Variants in EFR3B observed in about 807,000 individuals in gnomAD.
EFR3B encodes the protein EFR3 homolog B.
EFR3B carries 64 observed loss-of-function variants against 104.7 expected under a neutral mutation model. That is an observed-to-expected ratio of 0.61 (90% CI 0.50 to 0.75). The LOEUF (loss-of-function observed/expected upper bound fraction) is 0.75, where lower values mean the gene tolerates loss of function less well. EFR3B is among the 30% of genes least tolerant of loss of function. EFR3B has a pLI of 0.00. For missense variants in EFR3B, 750 were observed against 1,078.5 expected, an observed-to-expected ratio of 0.70 and a Z score of 4.27; for synonymous variants, 385 against 417.9, an observed-to-expected ratio of 0.92 and a Z score of 0.96.
intron 1 of EFR3B, among the ~76,000 whole-genome samples, chr2:25,075,967 A>G (rs989905700): frequency 2.0e-5 from 3 of 152,152 alleles, no homozygotes; most frequent in Non-Finnish European, 4.4e-5. Context: ...ATCACTGCTC[A>G]CTGTAGCCTT....
At chr2:25,105,687 G>A (rs1001407431) in intron 4 of EFR3B, among the ~76,000 whole-genome samples, 14 of 152,292 alleles carry the variant, frequency 9.2e-5, no homozygotes, top group African/African-American at 3.4e-4. Context: ...TACTGTTTTA[G>A]TTGTCCTGTT....
At chr2:25,104,483 A>G (rs966161312) in intron 4 of EFR3B, among the ~76,000 whole-genome samples, 1 of 152,214 alleles carries the variant, frequency 6.6e-6, no homozygotes, top group Admixed American at 6.5e-5. Flanking sequence ...TGTTTTTACT[A>G]ATAGAATTTT....
chr2:25,099,812 C>T (rs1252204286), intron 3 of EFR3B, among the ~76,000 whole-genome samples: 1 of 150,800 alleles, frequency 6.6e-6, no homozygotes, highest in Non-Finnish European at 1.5e-5. Flanking sequence ...CTTGAAAGAG[C>T]TCCTGAAATT....
chr2:25,121,545 C>A, intron 4 of EFR3B, 128 bp from the exon 5 acceptor site: 3 of 1,176,456 alleles, frequency 2.6e-6, no homozygotes, highest in Admixed American at 2.2e-5. Context: ...CTCTGCAAGG[C>A]CGGCCAAGCT....
chr2:25,045,547 T>C (rs1573157059), intron 1 of EFR3B, among the ~76,000 whole-genome samples: 1 of 152,182 alleles, frequency 6.6e-6, no homozygotes, highest in South Asian at 2.1e-4. Flanking sequence ...TTTAGGAGGC[T>C]GAGGCGGGCA....
chr2:25,131,918 C>T lies in EFR3B; in HGVS notation c.1147+7C>T, dbSNP rs1309598298. On this transcript the variant is annotated splice_region_variant and intron_variant, in intron 10 of 22. Coordinates refer to ENST00000403714, the MANE Select transcript of EFR3B (RefSeq NM_014971.2). The surrounding 1 kb of genome is among the most constrained non-coding windows in gnomAD (Gnocchi z 7.6). ...GCCGTCATCAAGACCGTGGGTGCGG[C>T]GCGGGGCCGGGCCGGGGCGGGGCGG... 1.3e-5 allele frequency: 16 copies of T among 1,206,402 alleles called. No homozygotes were observed. The Admixed American group carries it at 3.9e-4, about 29-fold the overall frequency. 74.7% of individuals were successfully genotyped at this position (1,206,402 alleles called of 1,614,324 possible). A position where few individuals can be genotyped will look rare whatever the true frequency, so the allele number is the denominator to read the frequency against.
At position 25,131,364 on chromosome 2, in the gene EFR3B, G is replaced by A. The variant is rs777353572; in HGVS notation, c.850-4G>A. ...TCCAGGCCCAGCTCATCTTCCTCCC[G>A]CAGCCGCAGCACTCACACCTGGTCA... On this transcript the variant is annotated splice_polypyrimidine_tract_variant and splice_region_variant and intron_variant, in intron 8 of 22. Transcript: ENST00000403714. This position sits in a 1 kb window ranked among gnomAD's most constrained non-coding sequence, Gnocchi z 7.6. The A allele has an allele frequency of 2.0e-5, 31 of 1,549,576 alleles. No individual in the cohort carries two copies. Among genetic ancestry groups the A allele is most frequent in the Admixed American group, 9.8e-5 (5 of 50,944 alleles).
chr2:25,046,953 C>G (rs1044557881), intron 1 of EFR3B, among the ~76,000 whole-genome samples: 4 of 152,172 alleles, frequency 2.6e-5, no homozygotes, highest in Non-Finnish European at 2.9e-5. Flanking sequence ...CCAGGTATGG[C>G]CTATGCATGT....
chr2:25,150,897 C>G (rs1356051685), intron 20 of EFR3B, among the ~76,000 whole-genome samples: 2 of 152,046 alleles, frequency 1.3e-5, no homozygotes, highest in Non-Finnish European at 1.5e-5. Flanking sequence ...AGGCATAACC[C>G]ACTGCACCTG....
Position 25,130,138 on chromosome 2 carries a change from C to T in EFR3B, c.770+29C>T, listed in dbSNP as rs73920652. ...AGTGCCCCCACCCACTGCCTTGGCC[C>T]CAGCCTTCAGCCTGGATGTGTTTCA... is the stretch of plus-strand genomic sequence containing the variant. On this transcript the variant is annotated intron_variant, in intron 7 of 22. Transcript: ENST00000403714. This position sits in a 1 kb window ranked among gnomAD's most constrained non-coding sequence, Gnocchi z 4.6. The T allele has an allele frequency of 2.9e-3, 4,553 of 1,551,628 alleles. 112 individuals are homozygous for T. The African/African-American group carries it at 0.054, about 18-fold the overall frequency.
At position 25,158,133 on chromosome 2, in the gene EFR3B, C is replaced by T. The variant is rs923699738; in HGVS notation, c.*3793C>T. The T allele has an allele frequency of 1.3e-5, 2 of 152,274 alleles. No homozygotes were observed. The highest frequency in any genetic ancestry group is 2.9e-5 in the Non-Finnish European group (2 of 68,080). The allele number at this position is 152,274 out of a possible 1,614,324, so 9.4% of individuals were successfully genotyped here. On this transcript the variant is annotated 3_prime_UTR_variant, in exon 23 of 23. Transcript: ENST00000403714. ...CAGACCTCTGGGCTCCTCTGGGGGC[C>T]CTGGGACATGATGCCTTGCAGTTTC...
chr2:25,062,195 A>G (rs1244217408), intron 1 of EFR3B, among the ~76,000 whole-genome samples: 1 of 152,248 alleles, frequency 6.6e-6, no homozygotes, highest in Non-Finnish European at 1.5e-5. Flanking sequence ...GGCCTTGTGG[A>G]TAACTGTCTA....
chr2:25,080,283 C>CTTTTTTTTTTTGTTTTTTTTTTTTTT (rs1668757128), intron 1 of EFR3B: 1 of 140,354 alleles, frequency 7.1e-6, no homozygotes, highest in Non-Finnish European at 1.2e-5. Flanking sequence ...CTCCCCAAAG[C>CTTTTTTTTTTTGTTTTTTTTTTTTTT]TTTTTTTTTT....
intron 17 of EFR3B, 59 bp downstream of exon 17, chr2:25,141,492 G>T: frequency 6.5e-7 from 1 of 1,531,558 alleles, no homozygotes; most frequent in South Asian, 1.2e-5. Context: ...TAAGCAGGTG[G>T]GTGGTCTGAG....
chr2:25,125,793 A>C (rs1049672112), intron 5 of EFR3B, among the ~76,000 whole-genome samples: 1 of 152,134 alleles, frequency 6.6e-6, no homozygotes, highest in African/African-American at 2.4e-5. Context: ...CTAAAAATAC[A>C]AAAAAATAGC....
chr2:25,121,476 C>T (rs913631270), intron 4 of EFR3B, among the ~76,000 whole-genome samples, 197 bp from the exon 5 acceptor site: 6 of 152,190 alleles, frequency 3.9e-5, no homozygotes, highest in African/African-American at 1.2e-4. Flanking sequence ...GCCATGGTTT[C>T]CAATCTTATT....
intron 1 of EFR3B, among the ~76,000 whole-genome samples, chr2:25,049,364 T>G (rs1199394145): frequency 6.6e-6 from 1 of 152,196 alleles, no homozygotes; most frequent in African/African-American, 2.4e-5. Context: ...GGATATAGAC[T>G]AGGGATATAA....
intron 1 of EFR3B, among the ~76,000 whole-genome samples, chr2:25,065,078 G>C (rs910140796): frequency 2.7e-5 from 4 of 146,462 alleles, no homozygotes; most frequent in Non-Finnish European, 6.0e-5. Flanking sequence ...TTCCCACCTG[G>C]CGGGGGGGGC....
At position 25,154,439 on chromosome 2, in the gene EFR3B, A is replaced by G. The variant is rs142824776; in HGVS notation, c.*99A>G. The G allele has an allele frequency of 4.4e-6, 5 of 1,144,980 alleles. No homozygotes were observed. The highest frequency in any genetic ancestry group is 2.2e-5 in the Admixed American group (1 of 45,852). 70.9% of individuals were successfully genotyped at this position (1,144,980 alleles called of 1,614,324 possible). The stretch of plus-strand genomic sequence containing the variant: ...GGAGATCTGGCTGTGATCTCTGAGA[A>G]AACATCACCTTAGATGGCAGCGCCT... On this transcript the variant is annotated 3_prime_UTR_variant, in exon 23 of 23. Coordinates refer to ENST00000403714, the MANE Select transcript of EFR3B (RefSeq NM_014971.2). This position sits in a 1 kb window ranked among gnomAD's most constrained non-coding sequence, Gnocchi z 4.1.
Sources: allele counts gnomAD v4.1 joint callset (sites outside exome capture counted in the v4.1 genomes callset), GRCh38; gene constraint gnomAD v4.1.1; non-coding constraint Gnocchi (gnomAD v3.1); transcripts MANE v1.5; gene names NCBI Gene and HGNC (gene_info 2026-07-23, HGNC 2026-07-21).